THSD7B: variants seen among roughly 807,000 people sequenced by gnomAD.
THSD7B encodes thrombospondin type-1 domain-containing protein 7B.
In THSD7B, 138 loss-of-function variants were observed where a neutral mutation model predicts 213.6. The ratio of observed to expected loss-of-function variants is 0.65; its 90% CI spans 0.56 to 0.74. THSD7B has a LOEUF of 0.74. Ranked by LOEUF, THSD7B falls within the 30% of genes least tolerant of loss-of-function variation. THSD7B has a pLI of 0.00. For missense variants in THSD7B, 1,931 were observed against 1,991.5 expected, an observed-to-expected ratio of 0.97 and a Z score of 0.58; for synonymous variants, 742 against 687.0, an observed-to-expected ratio of 1.08 and a Z score of -1.25.
At chr2:137,005,125 T>G (rs1686079266) in intron 2 of THSD7B, among the ~76,000 whole-genome samples, 1 of 152,180 alleles carries the variant, frequency 6.6e-6, no homozygotes, top group African/African-American at 2.4e-5. Flanking sequence ...CTGCCAGTCC[T>G]TTAAAGCATT....
chr2:136,842,721 T>A (rs573401778), intron 1 of THSD7B, among the ~76,000 whole-genome samples: 1 of 152,298 alleles, frequency 6.6e-6, no homozygotes. Flanking sequence ...ACAGTTGGGG[T>A]GAAGAATTAT....
At chr2:136,865,688 G>A (rs1290874744) in intron 1 of THSD7B, among the ~76,000 whole-genome samples, 1 of 152,234 alleles carries the variant, frequency 6.6e-6, no homozygotes, top group Non-Finnish European at 1.5e-5. Flanking sequence ...AAAAACAATA[G>A]CATGTGTTGA....
intron 12 of THSD7B, among the ~76,000 whole-genome samples, chr2:137,395,376 T>C (rs1286487580): frequency 6.7e-6 from 1 of 149,874 alleles, no homozygotes; most frequent in African/African-American, 2.5e-5. Flanking sequence ...GCATGAAGGG[T>C]TGTTGAATTT....
chr2:136,970,978 A>G (rs1311591886), intron 2 of THSD7B, among the ~76,000 whole-genome samples: 1 of 152,210 alleles, frequency 6.6e-6, no homozygotes, highest in Non-Finnish European at 1.5e-5. Context: ...CCATATTTCA[A>G]GAATTTTTTC....
intron 1 of THSD7B, among the ~76,000 whole-genome samples, chr2:136,853,172 C>G (rs761133812): frequency 2.0e-5 from 3 of 152,024 alleles, no homozygotes; most frequent in East Asian, 1.9e-4. Context: ...GGACATCAAC[C>G]CTGGTATACT....
intron 1 of THSD7B, among the ~76,000 whole-genome samples, chr2:136,812,401 T>C (rs1025994234): frequency 6.6e-6 from 1 of 152,210 alleles, no homozygotes; most frequent in Non-Finnish European, 1.5e-5. Flanking sequence ...CAATAAGATA[T>C]TGTATTTGGT....
At chr2:137,143,339 C>A (rs139019113) in intron 5 of THSD7B, among the ~76,000 whole-genome samples, 3 of 152,108 alleles carry the variant, frequency 2.0e-5, no homozygotes, top group Non-Finnish European at 2.9e-5. Context: ...CGTGGAATCA[C>A]GCATTCTCTT....
chr2:137,072,314 G>A (rs1404721798), intron 3 of THSD7B, among the ~76,000 whole-genome samples: 2 of 152,180 alleles, frequency 1.3e-5, no homozygotes, highest in Middle Eastern at 3.4e-3. Context: ...CCTTGAAGAG[G>A]TCCTTCACAT....
chr2:137,401,893 G>A (rs542530598), intron 12 of THSD7B, among the ~76,000 whole-genome samples: 1 of 152,208 alleles, frequency 6.6e-6, no homozygotes, highest in South Asian at 2.1e-4. Flanking sequence ...CCATATCTGA[G>A]CTATTGGTTC....
At chr2:137,165,074 A>T (rs1046768720) in intron 6 of THSD7B, among the ~76,000 whole-genome samples, 1 of 152,196 alleles carries the variant, frequency 6.6e-6, no homozygotes, top group Non-Finnish European at 1.5e-5. Flanking sequence ...GAGAGGATGG[A>T]GGCAGTAGAA....
intron 6 of THSD7B, among the ~76,000 whole-genome samples, chr2:137,165,423 C>T (rs954684725): frequency 1.3e-5 from 2 of 152,078 alleles, no homozygotes; most frequent in Non-Finnish European, 2.9e-5. Flanking sequence ...TCAAGGTATC[C>T]AAGCATGTTA....
chr2:137,175,528 T>A (rs1573868422), intron 7 of THSD7B, among the ~76,000 whole-genome samples: 1 of 152,344 alleles, frequency 6.6e-6, no homozygotes, highest in East Asian at 1.9e-4. Context: ...AAGCTGTGTA[T>A]ATATTTGCAC....
intron 27 of THSD7B, among the ~76,000 whole-genome samples, 183 bp from the exon 28 acceptor site, chr2:137,676,341 G>C (rs536287341): frequency 7.9e-5 from 12 of 152,174 alleles, no homozygotes; most frequent in Admixed American, 6.5e-4. Flanking sequence ...AAAAATGATG[G>C]CTTCTCCTTA....
intron 10 of THSD7B, among the ~76,000 whole-genome samples, chr2:137,271,389 T>TC (rs1558737466): frequency 2.2e-5 from 3 of 133,666 alleles, no homozygotes; most frequent in Non-Finnish European, 3.1e-5. Context: ...ATATATATAT[T>TC]ATGAATTATA....
At chr2:137,616,683 C>G (rs1424871001) in intron 18 of THSD7B, among the ~76,000 whole-genome samples, 2 of 152,136 alleles carry the variant, frequency 1.3e-5, no homozygotes, top group Admixed American at 1.3e-4. Flanking sequence ...CTCTTTTATG[C>G]CTTTTATTAT....
chr2:137,274,065 C>G (rs1392849513), intron 11 of THSD7B, among the ~76,000 whole-genome samples: 2 of 152,006 alleles, frequency 1.3e-5, no homozygotes. Context: ...TATCAATGAC[C>G]TCCTGCCACG....
At chr2:137,024,121 C>T (rs1686499623) in intron 2 of THSD7B, among the ~76,000 whole-genome samples, 1 of 152,130 alleles carries the variant, frequency 6.6e-6, no homozygotes, top group Non-Finnish European at 1.5e-5. Flanking sequence ...GTCTTTAACA[C>T]TCATTTATTT....
At chr2:137,084,725 A>T (rs1348444062) in intron 3 of THSD7B, among the ~76,000 whole-genome samples, 2 of 152,198 alleles carry the variant, frequency 1.3e-5, no homozygotes, top group East Asian at 3.8e-4. Context: ...CTGGATTCTA[A>T]GTCTTCACTT....
intron 5 of THSD7B, among the ~76,000 whole-genome samples, 151 bp downstream of exon 5, chr2:137,115,444 C>G (rs1462550702): frequency 6.6e-6 from 1 of 152,096 alleles, no homozygotes; most frequent in Non-Finnish European, 1.5e-5. Context: ...CCCCTAAGTT[C>G]TTCCACTTGT....
Sources: allele counts gnomAD v4.1 joint callset (sites outside exome capture counted in the v4.1 genomes callset), GRCh38; gene constraint gnomAD v4.1.1; transcripts MANE v1.5; gene names NCBI Gene and HGNC (gene_info 2026-07-23, HGNC 2026-07-21).